The following ZNF638 variants were observed in gnomAD, a reference collection of about 807,000 sequenced individuals.
The protein encoded by ZNF638 is zinc finger protein 638, also known as CTCL tumor antigen se33-1.
ZNF638 carries 46 observed loss-of-function variants against 195.6 expected under a neutral mutation model. The ratio of observed to expected loss-of-function variants is 0.24; its 90% CI spans 0.19 to 0.30. ZNF638 has a LOEUF of 0.30. Among genes scored for constraint, ZNF638 ranks in the 10% least tolerant of loss-of-function variants. ZNF638 has a pLI of 1.00. For synonymous variants in ZNF638, 845 were observed against 772.0 expected (o/e 1.09, Z -1.57); for missense variants, 2,440 against 2,325.3 (o/e 1.05, Z -1.01).
rs964934129 is a variant in ZNF638 at position 71,400,048 on chromosome 2, T to G, written c.2588-64T>G. ...TGTCAAACTAGCTTAAGTTCCTGTT[T>G]AGATTCATTAGTTTAATTATATTAG... On this transcript the variant is annotated intron_variant, in intron 13 of 27. Transcript: ENST00000264447. The G allele has an allele frequency of 9.7e-6, 13 of 1,340,974 alleles. No homozygotes were observed. The African/African-American group carries it at 1.6e-4, about 17-fold the overall frequency. 83.1% of individuals were successfully genotyped at this position (1,340,974 alleles called of 1,614,324 possible).
chr2:71,345,442 G>C (rs1215860516), intron 1 of ZNF638, among the ~76,000 whole-genome samples: 2 of 152,110 alleles, frequency 1.3e-5, no homozygotes, highest in Non-Finnish European at 2.9e-5. Context: ...CACCTAGGCT[G>C]GAGTACAGTG....
chr2:71,383,763 T>TTTC (rs1491428997), intron 10 of ZNF638, among the ~76,000 whole-genome samples: 3 of 3,402 alleles, frequency 8.8e-4, no homozygotes, highest in African/African-American at 2.1e-3. Flanking sequence ...TTTCTTTTTC[T>TTTC]TTTTTTTTTT....
chr2:71,380,777 A>G, intron 10 of ZNF638: 1 of 405,886 alleles, frequency 2.5e-6, no homozygotes, highest in Non-Finnish European at 4.4e-6. Context: ...AATCTGTGAG[A>G]TAATGTATGT....
rs185570899 is a variant in ZNF638, at chr2:71,336,161, C to T, written c.-203+4286C>T. Among the ~76,000 whole-genome samples, 243 of 152,152 alleles carry T rather than the reference C, an allele frequency of 1.6e-3. 1 individual carries two copies. Among genetic ancestry groups the T allele is most frequent in the African/African-American group, 5.2e-3 (216 of 41,522 alleles). On this transcript the variant is annotated intron_variant, in intron 1 of 27. Coordinates refer to ENST00000264447, the MANE Select transcript of ZNF638 (RefSeq NM_014497.5). ...CCGAGGCAGGCGGATCATCTGAGGT[C>T]GGGAGCTTAAGACCAGCCTGACCAA...
chr2:71,420,677 T>A (rs2080412718), intron 21 of ZNF638, among the ~76,000 whole-genome samples: 1 of 152,044 alleles, frequency 6.6e-6, no homozygotes, highest in Admixed American at 6.5e-5. Context: ...TCCTTTTCTG[T>A]TCCATTTCCC....
Position 71,402,153 on chromosome 2 carries a change from T to G in ZNF638, c.2829+66T>G, listed in dbSNP as rs1573125075. 23 of 1,488,218 alleles carry G rather than the reference T, an allele frequency of 1.5e-5. No homozygotes were observed. The East Asian group carries it at 5.4e-4, about 35-fold the overall frequency. The allele number at this position is 1,488,218 out of a possible 1,614,324, so 92.2% of individuals were successfully genotyped here. A position where few individuals can be genotyped will look rare whatever the true frequency, so the allele number is the denominator to read the frequency against. On this transcript the variant is annotated intron_variant, in intron 16 of 27. Transcript: ENST00000264447. ...TGCATGCTTTGAAAAACATTAAATT[T>G]ACAAAACTAAAAAGAAAAGGTTTAA... is the stretch of plus-strand genomic sequence containing the variant.
intron 8 of ZNF638, among the ~76,000 whole-genome samples, chr2:71,376,967 G>A (rs908135271): frequency 1.8e-4 from 27 of 152,124 alleles, no homozygotes; most frequent in South Asian, 2.1e-4. Flanking sequence ...CTCATACTTC[G>A]AAAGTTTTCT....
chr2:71,401,061 A>G lies in ZNF638; in HGVS notation c.2697+543A>G, dbSNP rs1396857592. On this transcript the variant is annotated intron_variant, in intron 15 of 27. Coordinates refer to ENST00000264447, the MANE Select transcript of ZNF638 (RefSeq NM_014497.5). ...TTTTTAGATCCTTCAGGTGTTGAGC[A>G]TAAGTTTTTGTCTAGTAGATCCATT... Among the ~76,000 whole-genome samples the G allele has an allele frequency of 2.6e-5, 4 of 152,276 alleles. 1 individual carries two copies. In the Middle Eastern group the frequency reaches 0.01, roughly 388 times the overall value.
chr2:71,373,966 G>A (rs2079369175), intron 8 of ZNF638: 1 of 152,088 alleles, frequency 6.6e-6, no homozygotes, highest in Non-Finnish European at 1.5e-5. Flanking sequence ...GGGACTACAG[G>A]TGCAAGCCAC....
intron 1 of ZNF638, among the ~76,000 whole-genome samples, chr2:71,347,513 A>G (rs1021321963): frequency 6.6e-6 from 1 of 152,234 alleles, no homozygotes; most frequent in African/African-American, 2.4e-5. Context: ...ATGGTTAGCA[A>G]ATAGGATCCA....
At chr2:71,406,508 G>A (rs1390542834) in intron 19 of ZNF638, among the ~76,000 whole-genome samples, 2 of 146,428 alleles carry the variant, frequency 1.4e-5, no homozygotes, top group Non-Finnish European at 3.1e-5. Context: ...AGGTAATATA[G>A]TGTAGACAGC....
Position 71,338,458 on chromosome 2 carries a change from T to C in ZNF638, c.-203+6583T>C, listed in dbSNP as rs551365144. 3.2e-4 allele frequency among the ~76,000 whole-genome samples: 48 copies of C among 152,346 alleles called. 1 individual carries two copies. The highest frequency in any genetic ancestry group is 9.9e-4 in the African/African-American group (41 of 41,574). ...ATTTCCTATTTGTATTTCTTGTCTT[T>C]CACAATGAAAGCCCTAAGTTCCTAG... On this transcript the variant is annotated intron_variant, in intron 1 of 27. Transcript: ENST00000264447.
At chr2:71,375,186 ATAAAT>A (rs1166710978) in intron 8 of ZNF638, 1 of 152,210 alleles carries the variant, frequency 6.6e-6, no homozygotes, top group Non-Finnish European at 1.5e-5. Flanking sequence ...GGTTTGGATA[ATAAAT>A]TAAATCGTGT....
chr2:71,391,779 C>T (rs2079783675), intron 10 of ZNF638, among the ~76,000 whole-genome samples: 1 of 152,190 alleles, frequency 6.6e-6, no homozygotes, highest in African/African-American at 2.4e-5. Context: ...TGTTTTCTAT[C>T]CTAAAAGGCA....
In ZNF638 at chr2:71,349,169, A is replaced by G; in HGVS notation, c.215A>G (p.Gln72Arg). 2 of 1,614,258 alleles carry G rather than the reference A, an allele frequency of 1.2e-6. No individual in the cohort carries two copies. Among genetic ancestry groups the G allele is most frequent in the South Asian group, 1.1e-5 (1 of 91,090 alleles). ...ATGGGGCCACAGAGAATGAATGTTC[A>G]GGTAACTCAACACAGAACTGATCCA... Reference protein sequence around the residue: ...QNMGPQRMNVQVTQHRTDPRL... With the variant: ...QNMGPQRMNVRVTQHRTDPRL... The change falls in exon 2 of 28, where the codon CAG becomes CGG. Residue 72 changes from glutamine (Q) to arginine (R), a missense_variant. Physicochemically the swap from Gln to Arg is conservative, Grantham distance 43 (BLOSUM62 1). This residue lies in a region of ZNF638 where 191 missense variants were observed against 173.8 expected (regional missense o/e 1.10). Coordinates refer to ENST00000264447, the MANE Select transcript of ZNF638 (RefSeq NM_014497.5).
In ZNF638 at chr2:71,423,940, G is replaced by A. The variant is rs2080481784; in HGVS notation, c.4426G>A (p.Gly1476Ser). The A allele has an allele frequency of 3.1e-6, 5 of 1,614,014 alleles. No homozygotes were observed. In the East Asian group the frequency reaches 1.1e-4, roughly 36 times the overall value. Reference sequence around the variant, plus strand: ...CAGTGGAAGGATCTCAGCCCTGCAAGGCAAGCTTTCTAAACTGGATTACAG... The same window carrying A: ...CAGTGGAAGGATCTCAGCCCTGCAAAGCAAGCTTTCTAAACTGGATTACAG... ...GGSGRISALQGKLSKLDYRDI... is the reference protein window; with the variant it reads ...GGSGRISALQSKLSKLDYRDI... The change falls in exon 22 of 28, where the codon GGC becomes AGC. Residue 1476 changes from glycine (G) to serine (S), a missense_variant. By Grantham distance (56) the Gly-to-Ser change is moderately conservative. This residue lies in a region of ZNF638 where 1,883 missense variants were observed against 1,739.1 expected (regional missense o/e 1.08). Coordinates refer to ENST00000264447, the MANE Select transcript of ZNF638 (RefSeq NM_014497.5).
chr2:71,383,303 G>A (rs571268006), intron 10 of ZNF638, among the ~76,000 whole-genome samples: 2 of 152,182 alleles, frequency 1.3e-5, no homozygotes, highest in Admixed American at 6.5e-5. Context: ...TGACAAGAGC[G>A]AGACTCCACC....
At chr2:71,411,449 ATTTATTT>A (rs1360759668) in intron 20 of ZNF638, among the ~76,000 whole-genome samples, 1 of 96,940 alleles carries the variant, frequency 1.0e-5, no homozygotes, top group African/African-American at 3.7e-5. Context: ...TATTTTTTTT[ATTTATTT>A]TTTATTTTTT....
intron 7 of ZNF638, among the ~76,000 whole-genome samples, chr2:71,369,624 C>T (rs1162524724): frequency 6.6e-6 from 1 of 152,162 alleles, no homozygotes; most frequent in Non-Finnish European, 1.5e-5. Context: ...CTTCTCATTT[C>T]CTCTTCTTCC....
Sources: gnomAD v4.1 joint callset for allele counts (sites outside exome capture counted in the v4.1 genomes callset) on GRCh38, gnomAD v4.1.1 for gene constraint, gnomAD v4.1.1 regional missense constraint, MANE v1.5 for transcripts, NCBI Gene and HGNC (gene_info 2026-07-23, HGNC 2026-07-21) for gene names.